Variants in CSMD3 observed in about 807,000 individuals in gnomAD.
CSMD3 encodes CUB and sushi domain-containing protein 3.
A neutral mutation model predicts 435.2 loss-of-function variants in CSMD3; 177 were observed. That is an observed-to-expected ratio of 0.41 (90% CI 0.36 to 0.46). The LOEUF is 0.46. CSMD3 is among the 20% of genes least tolerant of loss of function. The pLI, the probability that CSMD3 is intolerant of heterozygous loss-of-function variation, is 0.34. For synonymous variants in CSMD3, 1,656 were observed against 1,520.5 expected, an observed-to-expected ratio of 1.09 and a Z score of -2.07; for missense variants, 4,265 against 4,504.6, an observed-to-expected ratio of 0.95 and a Z score of 1.52.
chr8:113,236,039 C>T (rs145125846), intron 3 of CSMD3, among the ~76,000 whole-genome samples: 1 of 152,280 alleles, frequency 6.6e-6, no homozygotes, highest in African/African-American at 2.4e-5. Context: ...GGGCTAGAGA[C>T]TTCCCTGGGG....
At chr8:113,286,680 C>T (rs1207216919) in intron 2 of CSMD3, among the ~76,000 whole-genome samples, 2 of 151,072 alleles carry the variant, frequency 1.3e-5, no homozygotes, top group Non-Finnish European at 2.9e-5. Flanking sequence ...AGAAGAACGA[C>T]CACACATATA....
intron 3 of CSMD3, among the ~76,000 whole-genome samples, chr8:113,212,124 G>A (rs1350065486): frequency 6.6e-6 from 1 of 152,134 alleles, no homozygotes; most frequent in Non-Finnish European, 1.5e-5. Context: ...AGTTTATGGA[G>A]CTGCTGGAGT....
chr8:112,943,844 A>T (rs2083524392), intron 9 of CSMD3, among the ~76,000 whole-genome samples: 1 of 151,588 alleles, frequency 6.6e-6, no homozygotes, highest in African/African-American at 2.4e-5. Context: ...AAAGTCCCCC[A>T]ATTTATATCG....
chr8:112,346,114 T>C lies in CSMD3; in HGVS notation c.6425A>G (p.Asn2142Ser). 1 of 1,596,222 alleles carries C rather than the reference T, an allele frequency of 6.3e-7. No individual in the cohort carries two copies. The highest frequency in any genetic ancestry group is 1.1e-5 in the South Asian group (1 of 90,716). ...ACACATACCAAAACCTATGGGTAGA[T>C]TTATTGTCCATGTGCAATCTAAACT... ...PSSLDCTWTI[N>S]LPIGFGVHLQ... Residue 2142 changes from asparagine (N) to serine (S), a missense_variant, in exon 41 of 71, where the codon AAT (asparagine) becomes AGT (serine). Coordinates refer to ENST00000297405, the MANE Select transcript of CSMD3 (RefSeq NM_198123.2).
At chr8:112,536,999 T>C (rs1391554966) in intron 27 of CSMD3, among the ~76,000 whole-genome samples, 3 of 151,554 alleles carry the variant, frequency 2.0e-5, no homozygotes, top group East Asian at 1.9e-4. Flanking sequence ...AAGGGGAACA[T>C]CACATTCTAG....
intron 11 of CSMD3, among the ~76,000 whole-genome samples, chr8:112,837,828 T>A (rs147766167): frequency 6.6e-6 from 1 of 151,768 alleles, no homozygotes; most frequent in African/African-American, 2.4e-5. Flanking sequence ...TATTAACAAT[T>A]ATTTTTGCTC....
chr8:112,375,152 C>G (rs1828822063), intron 38 of CSMD3, among the ~76,000 whole-genome samples: 2 of 152,110 alleles, frequency 1.3e-5, no homozygotes, highest in Admixed American at 6.6e-5. Flanking sequence ...ATTTAGAGGA[C>G]AGTGGCTTTC....
chr8:112,664,164 T>A (rs1281943253), intron 17 of CSMD3, among the ~76,000 whole-genome samples: 1 of 152,176 alleles, frequency 6.6e-6, no homozygotes, highest in Admixed American at 6.6e-5. Flanking sequence ...GAAAATTATG[T>A]ACTTGACATA....
intron 5 of CSMD3, among the ~76,000 whole-genome samples, chr8:113,087,373 G>C (rs1225129797): frequency 6.6e-6 from 1 of 151,676 alleles, no homozygotes; most frequent in Non-Finnish European, 1.5e-5. Context: ...AGTTCATATG[G>C]AACCAAAAAA....
At chr8:113,120,801 G>C (rs1409275068) in intron 4 of CSMD3, among the ~76,000 whole-genome samples, 1 of 152,106 alleles carries the variant, frequency 6.6e-6, no homozygotes, top group Non-Finnish European at 1.5e-5. Flanking sequence ...ATTTTATGGA[G>C]TCCAAAGCCA....
At chr8:113,337,924 T>A (rs552474022) in intron 1 of CSMD3, among the ~76,000 whole-genome samples, 9 of 152,118 alleles carry the variant, frequency 5.9e-5, no homozygotes, top group African/African-American at 2.2e-4. Context: ...TAATATGTAT[T>A]TGAAAACATG....
intron 32 of CSMD3, among the ~76,000 whole-genome samples, chr8:112,446,649 AT>A: frequency 6.6e-6 from 1 of 152,274 alleles, no homozygotes; most frequent in South Asian, 2.1e-4. Context: ...GTTTTTCATT[AT>A]TTTTGTACAC....
intron 53 of CSMD3, among the ~76,000 whole-genome samples, chr8:112,301,253 G>A (rs964782894): frequency 6.6e-6 from 1 of 151,924 alleles, no homozygotes; most frequent in African/African-American, 2.4e-5. Context: ...TTCTTTAACT[G>A]AAGATTTTTT....
chr8:112,225,160 A>G (rs1330592314), intron 70 of CSMD3, among the ~76,000 whole-genome samples: 5 of 152,174 alleles, frequency 3.3e-5, no homozygotes, highest in Admixed American at 6.5e-5. Flanking sequence ...TATTAGTAAC[A>G]TAAATATAAA....
At chr8:112,880,938 T>A (rs1025307154) in intron 10 of CSMD3, among the ~76,000 whole-genome samples, 15 of 152,074 alleles carry the variant, frequency 9.9e-5, no homozygotes, top group Non-Finnish European at 5.9e-5. Flanking sequence ...TGTTTTCACT[T>A]TCTACATATT....
chr8:113,286,061 T>C (rs1296848651), intron 2 of CSMD3, among the ~76,000 whole-genome samples: 1 of 152,158 alleles, frequency 6.6e-6, no homozygotes, highest in Non-Finnish European at 1.5e-5. Flanking sequence ...TTATGGTTTC[T>C]AATTGATAAT....
At chr8:113,384,021 C>T (rs755444814) in intron 1 of CSMD3, among the ~76,000 whole-genome samples, 2 of 152,124 alleles carry the variant, frequency 1.3e-5, no homozygotes, top group African/African-American at 4.8e-5. Flanking sequence ...AGAAAACAAC[C>T]TGGAATACAC....
chr8:113,162,146 G>C (rs1303165617), intron 4 of CSMD3, among the ~76,000 whole-genome samples: 1 of 152,070 alleles, frequency 6.6e-6, no homozygotes, highest in Non-Finnish European at 1.5e-5. Context: ...AAAAATGTTT[G>C]ATTGGGTGGT....
At chr8:113,133,803 A>G (rs1418809469) in intron 4 of CSMD3, among the ~76,000 whole-genome samples, 1 of 152,136 alleles carries the variant, frequency 6.6e-6, no homozygotes, top group African/African-American at 2.4e-5. Context: ...CCGTTATCAA[A>G]ATAAATATTG....
Sources: allele counts gnomAD v4.1 joint callset (sites outside exome capture counted in the v4.1 genomes callset), GRCh38; gene constraint gnomAD v4.1.1; transcripts MANE v1.5; gene names NCBI Gene and HGNC (gene_info 2026-07-23, HGNC 2026-07-21).